RLN1: variants seen among roughly 807,000 people sequenced by gnomAD.
RLN1 encodes the protein prorelaxin H1.
In RLN1, 4 loss-of-function variants were observed where a neutral mutation model predicts 7.2. That is an observed-to-expected ratio of 0.56 (90% CI 0.28 to 1.28). The LOEUF (loss-of-function observed/expected upper bound fraction) is 1.28, where lower values mean the gene tolerates loss of function less well. RLN1 is among the 50% of genes most tolerant of loss of function. The pLI is 0.11. For missense variants in RLN1, 293 were observed against 221.1 expected, an observed-to-expected ratio of 1.32 and a Z score of -2.06; for synonymous variants, 105 against 86.0, an observed-to-expected ratio of 1.22 and a Z score of -1.22.
chr9:5,335,669 G>GCAAACATTCACAGT, intron 1 of RLN1, 72 bp from the exon 2 acceptor site: 1 of 895,196 alleles, frequency 1.1e-6, no homozygotes. Context: ...AACTGTGAAT[G>GCAAACATTCACAGT]TTTGCATACA....
chr9:5,335,592 C>A lies in RLN1; in HGVS notation c.217G>T (p.Val73Leu), dbSNP rs1340057502. 1 of 1,592,186 alleles carries A rather than the reference C, an allele frequency of 6.3e-7. No homozygotes were observed. The highest frequency in any genetic ancestry group is 1.4e-5 in the African/African-American group (1 of 73,762). ...PQTPRPVAEI[V>L]PSFINKDTET... ...GTATCTTTGTTGATGAAGGATGGTACAATTTCTGTTAAGTTTAAAAAAAAA... is the reference window on the plus strand; with the variant it reads ...GTATCTTTGTTGATGAAGGATGGTAAAATTTCTGTTAAGTTTAAAAAAAAA... Residue 73 changes from valine (V) to leucine (L), a missense_variant, in exon 2 of 2, where the codon GTA becomes TTA. Val to Leu is a conservative substitution (Grantham distance 32). Coordinates refer to ENST00000223862, the MANE Select transcript of RLN1 (RefSeq NM_006911.4).
chr9:5,339,784 G>A lies in RLN1; in HGVS notation c.-38C>T, dbSNP rs1199483151. On this transcript the variant is annotated 5_prime_UTR_variant, in exon 1 of 2. Coordinates refer to ENST00000223862, the MANE Select transcript of RLN1 (RefSeq NM_006911.4). The stretch of plus-strand genomic sequence containing the variant: ...CTCTCCTGGAGGTCTGGGTGTTGCA[G>A]CCTTTCAGGACTGCGGCTGCTGTGG... The A allele has an allele frequency of 2.0e-5, 32 of 1,606,722 alleles. No homozygotes were observed. Among genetic ancestry groups the A allele is most frequent in the East Asian group, 4.5e-5 (2 of 44,828 alleles).
At chr9:5,340,301 G>A (rs1033250808), upstream of RLN1, among the ~76,000 whole-genome samples, 4 of 152,058 alleles carry the variant, frequency 2.6e-5, no homozygotes, top group Admixed American at 2.6e-4. Context: ...TTGATGAGAG[G>A]GAAAACTGAT....
chr9:5,337,039 T>A (rs1334484884), intron 1 of RLN1, among the ~76,000 whole-genome samples: 8 of 152,094 alleles, frequency 5.3e-5, no homozygotes, highest in African/African-American at 9.7e-5. Context: ...ATTTTGTCTT[T>A]GCCCCTAACA....
Position 5,335,012 on chromosome 9 carries a change from A to G in RLN1, c.*239T>C, listed in dbSNP as rs1273161579. 1.3e-5 allele frequency: 5 copies of G among 384,734 alleles called. No homozygotes were observed. The highest frequency in any genetic ancestry group is 2.3e-5 in the Non-Finnish European group (5 of 218,970). The allele number at this position is 384,734 out of a possible 1,614,324, so 23.8% of individuals were successfully genotyped here. On this transcript the variant is annotated 3_prime_UTR_variant, in exon 2 of 2. Transcript: ENST00000223862. ...TTGTAATTTTAAGTTAACAGCATTA[A>G]AAAGAATCAACACAATTATACTGTT...
intron 1 of RLN1, among the ~76,000 whole-genome samples, chr9:5,336,124 C>A (rs1367698974): frequency 6.6e-6 from 1 of 151,966 alleles, no homozygotes; most frequent in Non-Finnish European, 1.5e-5. Context: ...TTTCCAACAC[C>A]TGTAATCTAA....
At chr9:5,340,514 CCA>C (rs201293875), upstream of RLN1, among the ~76,000 whole-genome samples, 1,185 of 151,872 alleles carry the variant, frequency 7.8e-3, 21 homozygotes, top group African/African-American at 0.024. Context: ...GGAGAACACA[CCA>C]CACACACAGA....
intron 1 of RLN1, among the ~76,000 whole-genome samples, chr9:5,336,561 T>C (rs1816898279): frequency 6.6e-6 from 1 of 152,090 alleles, no homozygotes; most frequent in Admixed American, 6.5e-5. Context: ...TTAAAAGATA[T>C]AAATTTTTAA....
intron 1 of RLN1, among the ~76,000 whole-genome samples, chr9:5,337,604 C>T (rs1816923980): frequency 6.6e-6 from 1 of 151,896 alleles, no homozygotes; most frequent in Non-Finnish European, 1.5e-5. Context: ...AAGCAAGTAG[C>T]AATTACCTAA....
chr9:5,340,203 G>A (rs1307353715), upstream of RLN1, among the ~76,000 whole-genome samples: 1 of 152,008 alleles, frequency 6.6e-6, no homozygotes, highest in Non-Finnish European at 1.5e-5. Context: ...ACCTAAATAG[G>A]ATTATAGATT....
chr9:5,338,136 G>A (rs1183659796), intron 1 of RLN1, among the ~76,000 whole-genome samples: 10 of 128,368 alleles, frequency 7.8e-5, no homozygotes, highest in Admixed American at 7.4e-4. Flanking sequence ...TAATATCTAC[G>A]AGTGCTTCTC....
chr9:5,339,869 C>T lies in RLN1; in HGVS notation c.-123G>A, dbSNP rs1586685657. On this transcript the variant is annotated 5_prime_UTR_variant, in exon 1 of 2. Transcript: ENST00000223862. ...TTTAGGCTGCTTTCCCTACCCGGCT[C>T]AACCAGTCTTTAGTATGGGCTATCA... is the stretch of plus-strand genomic sequence containing the variant. 2 of 987,382 alleles carry T rather than the reference C, an allele frequency of 2.0e-6. No individual in the cohort carries two copies. The highest frequency in any genetic ancestry group is 3.1e-6 in the Non-Finnish European group (2 of 650,668). The allele number at this position is 987,382 out of a possible 1,614,324, so 61.2% of individuals were successfully genotyped here.
At position 5,335,212 on chromosome 9, in the gene RLN1, G is replaced by T. The variant is rs183194301; in HGVS notation, c.*39C>A. The T allele has an allele frequency of 4.8e-6, 6 of 1,252,038 alleles. No homozygotes were observed. Among genetic ancestry groups the T allele is most frequent in the African/African-American group, 1.5e-5 (1 of 66,316 alleles). 77.6% of individuals were successfully genotyped at this position (1,252,038 alleles called of 1,614,324 possible). A position where few individuals can be genotyped will look rare whatever the true frequency, so the allele number is the denominator to read the frequency against. On this transcript the variant is annotated 3_prime_UTR_variant, in exon 2 of 2. Coordinates refer to ENST00000223862, the MANE Select transcript of RLN1 (RefSeq NM_006911.4). ...ATCAGTGAAATGTCATCAAGACTAT[G>T]TGTGAAAATTAGACAAGATGTGCAC...
intron 1 of RLN1, among the ~76,000 whole-genome samples, chr9:5,336,407 C>G (rs749633474): frequency 6.6e-6 from 1 of 152,026 alleles, no homozygotes; most frequent in African/African-American, 2.4e-5. Flanking sequence ...TGTTCTTACA[C>G]AGCATCCCAG....
At position 5,335,277 on chromosome 9, in the gene RLN1, T is replaced by A. The variant is rs766767841; in HGVS notation, c.532A>T (p.Lys178Ter). The A allele has an allele frequency of 1.2e-5, 19 of 1,594,918 alleles. No individual in the cohort carries two copies. In the Admixed American group the frequency reaches 2.0e-4, roughly 17 times the overall value. Reference sequence around the variant, plus strand: ...CAGCAATATTTAGCAAGAGACCTTTTGGTACAACCAATTAGGCAACATTTC... The same window carrying A: ...CAGCAATATTTAGCAAGAGACCTTTAGGTACAACCAATTAGGCAACATTTC... Reference protein sequence around the residue: ...FEKCCLIGCTKRSLAKYC With the variant: ...FEKCCLIGCT Residue 178 changes from lysine to a stop codon, truncating the protein, a stop_gained, in exon 2 of 2, where the codon AAA (lysine) becomes TAA (stop). Coordinates refer to ENST00000223862, the MANE Select transcript of RLN1 (RefSeq NM_006911.4). LOFTEE classifies it high-confidence loss of function.
rs557985361 is a variant in RLN1, at chr9:5,335,632, G to T, written c.212-35C>A. 7.3e-6 allele frequency: 10 copies of T among 1,377,042 alleles called. No homozygotes were observed. In the East Asian group the frequency reaches 1.2e-4, roughly 16 times the overall value. The allele number at this position is 1,377,042 out of a possible 1,614,324, so 85.3% of individuals were successfully genotyped here. On this transcript the variant is annotated intron_variant, in intron 1 of 1. Coordinates refer to ENST00000223862, the MANE Select transcript of RLN1 (RefSeq NM_006911.4). ...TTAAAAAAAAAGTGTATGTGAAGGC[G>T]TATTCACGTCAAAGAGCATTCAGAA...
upstream of RLN1, among the ~76,000 whole-genome samples, chr9:5,340,242 T>C (rs1029192891): frequency 3.7e-4 from 57 of 152,302 alleles, no homozygotes; most frequent in African/African-American, 1.3e-3. Flanking sequence ...ATTAGTATAA[T>C]GTTGGGCATA....
At chr9:5,335,990 T>C (rs1213449273) in intron 1 of RLN1, among the ~76,000 whole-genome samples, 4 of 152,074 alleles carry the variant, frequency 2.6e-5, no homozygotes, top group Admixed American at 1.3e-4. Flanking sequence ...TTTCTTCCAT[T>C]GCTAAGCTAT....
At position 5,336,965 on chromosome 9, in the gene RLN1, C is replaced by T. The variant is rs564025691; in HGVS notation, c.212-1368G>A. Among the ~76,000 whole-genome samples, 44 of 152,042 alleles carry T rather than the reference C, an allele frequency of 2.9e-4. 1 individual carries two copies. The South Asian group carries it at 8.3e-3, about 29-fold the overall frequency. ...TCCTTTTACCAACAACAAACTTCAA[C>T]AGTTGGAGTTTGACAGAGCAATAAA... On this transcript the variant is annotated intron_variant, in intron 1 of 1. Transcript: ENST00000223862.
Sources: gnomAD v4.1 joint callset for allele counts (sites outside exome capture counted in the v4.1 genomes callset) on GRCh38, gnomAD v4.1.1 for gene constraint, MANE v1.5 for transcripts, NCBI Gene and HGNC (gene_info 2026-07-23, HGNC 2026-07-21) for gene names.